The following CDH15 variants were observed in gnomAD, a reference collection of about 807,000 sequenced individuals.
CDH15 encodes cadherin-15.
Under a neutral mutation model 69.4 loss-of-function variants are expected in CDH15, and 73 were observed. That is an observed-to-expected ratio of 1.05 (90% CI 0.87 to 1.28). The LOEUF (loss-of-function observed/expected upper bound fraction) is 1.28, where lower values mean the gene tolerates loss of function less well. Among genes scored for constraint, CDH15 ranks in the 50% most tolerant of loss-of-function variants. CDH15 has a pLI of 0.00. For synonymous variants in CDH15, 624 were observed against 507.7 expected, an observed-to-expected ratio of 1.23 and a Z score of -3.08; for missense variants, 1,343 against 1,133.6, an observed-to-expected ratio of 1.18 and a Z score of -2.65.
rs750713003 is a variant in CDH15 at position 89,193,452 on chromosome 16, C to T, written c.1856-18C>T. ...GCGCCCTGTGCCTGGCCCCAGCCTGCGTCCCCTCATTCCCCAGTGCTGGTC... is the reference window on the plus strand; with the variant it reads ...GCGCCCTGTGCCTGGCCCCAGCCTGTGTCCCCTCATTCCCCAGTGCTGGTC... On this transcript the variant is annotated intron_variant, in intron 11 of 13. Transcript: ENST00000289746. The T allele has an allele frequency of 6.3e-6, 10 of 1,599,158 alleles. No individual in the cohort carries two copies. The highest frequency in any genetic ancestry group is 1.7e-5 in the Admixed American group (1 of 59,362).
At chr16:89,187,598 G>T in intron 6 of CDH15, 41 bp downstream of exon 6, 1 of 1,611,686 alleles carries the variant, frequency 6.2e-7, no homozygotes. Context: ...CCCCTGCTTA[G>T]AGCTGCCTTC....
chr16:89,172,510 C>T (rs146610440), intron 1 of CDH15, among the ~76,000 whole-genome samples: 7 of 152,286 alleles, frequency 4.6e-5, no homozygotes, highest in South Asian at 2.1e-4. Flanking sequence ...GGGACCCTGC[C>T]GCAGCTGCCT....
Position 89,188,169 on chromosome 16 carries a change from C to T in CDH15, c.862C>T (p.Leu288=), listed in dbSNP as rs777773727. The T allele has an allele frequency of 6.2e-7, 1 of 1,613,434 alleles. No individual in the cohort carries two copies. Among genetic ancestry groups the T allele is most frequent in the South Asian group, 1.1e-5 (1 of 90,994 alleles). The change falls in exon 7 of 14, where the codon CTG becomes TTG. Residue 288 remains leucine (L), a synonymous_variant. Transcript: ENST00000289746. The stretch of plus-strand genomic sequence containing the variant: ...ACGCCTGGAAGTGGAGGACAGGGAC[C>T]TGCCAGGCTCCCCAAACTGGGTGGC... ...VGRLEVEDRD[L]PGSPNWVARF...
intron 1 of CDH15, among the ~76,000 whole-genome samples, chr16:89,176,225 G>A (rs561200486): frequency 2.6e-5 from 4 of 152,212 alleles, no homozygotes; most frequent in Non-Finnish European, 4.4e-5. Context: ...ATGCCCCCAC[G>A]TCCCGGCCCC....
At chr16:89,172,616 T>C (rs888550484) in intron 1 of CDH15, among the ~76,000 whole-genome samples, 2 of 152,194 alleles carry the variant, frequency 1.3e-5, no homozygotes, top group South Asian at 4.1e-4. Flanking sequence ...CTCTCCAACG[T>C]GGGAGCAAGC....
rs747543596 is a variant in CDH15, at chr16:89,180,218, C to G, written c.220C>G (p.Gln74Glu). 6 of 1,610,606 alleles carry G rather than the reference C, an allele frequency of 3.7e-6. No homozygotes were observed. The highest frequency in any genetic ancestry group is 5.1e-6 in the Non-Finnish European group (6 of 1,179,012). Residue 74 changes from glutamine to glutamate, a missense_variant, in exon 3 of 14, where the codon CAG becomes GAG. Gln to Glu is a conservative substitution (Grantham distance 29). Transcript: ENST00000289746. ...CCCACAGATCAAGTCGGACAAGCAG[C>G]AGCTGGGCAGCGTCATCTACAGCAT... ...PLVQIKSDKQ[Q>E]LGSVIYSIQG...
In CDH15 at chr16:89,183,714, G is replaced by A. The variant is rs200965299; in HGVS notation, c.502+22G>A. 1.0e-3 allele frequency: 1,614 copies of A among 1,571,936 alleles called. 1 individual carries two copies. Among genetic ancestry groups the A allele is most frequent in the Non-Finnish European group, 1.3e-3 (1,456 of 1,158,728 alleles). ...CCAGGTGAGACAGGACCACAGCCCCGGGCCGGGAGGGGCTGCAAGGAAGGG... is the reference window on the plus strand; with the variant it reads ...CCAGGTGAGACAGGACCACAGCCCCAGGCCGGGAGGGGCTGCAAGGAAGGG... On this transcript the variant is annotated intron_variant, in intron 4 of 13. Coordinates refer to ENST00000289746, the MANE Select transcript of CDH15 (RefSeq NM_004933.3).
At chr16:89,185,406 C>A (rs757543277) in intron 5 of CDH15, 73 bp downstream of exon 5, 23 of 1,485,604 alleles carry the variant, frequency 1.5e-5, no homozygotes, top group Non-Finnish European at 1.8e-5. Context: ...CCTCTGCCCC[C>A]AGCCTGCCCA....
chr16:89,193,449 C>T, intron 11 of CDH15, 21 bp from the exon 12 acceptor site: 1 of 1,598,232 alleles, frequency 6.3e-7, no homozygotes, highest in Non-Finnish European at 8.5e-7. Context: ...TGGCCCCAGC[C>T]TGCGTCCCCT....
chr16:89,190,208 T>A (rs540229131), intron 7 of CDH15, 35 bp from the exon 8 acceptor site: 2 of 1,605,866 alleles, frequency 1.2e-6, no homozygotes, highest in South Asian at 2.2e-5. Context: ...CACACTTGCG[T>A]TGGGCGGATG....
In CDH15 at chr16:89,192,388, C is replaced by T; in HGVS notation, c.1799C>T (p.Thr600Ile). ...GCCGCAGCGCTGCTGGCGGGGGGCA[C>T]AGGCCTCAGCCTGGGCGCACTGGTC... is the stretch of plus-strand genomic sequence containing the variant. ...PGAAALLAGG[T>I]GLSLGALVIV... Residue 600 changes from threonine (T) to isoleucine (I), a missense_variant, in exon 11 of 14, where the codon ACA (threonine) becomes ATA (isoleucine). Transcript: ENST00000289746. 1 of 1,537,752 alleles carries T rather than the reference C, an allele frequency of 6.5e-7. No homozygotes were observed. Among genetic ancestry groups the T allele is most frequent in the Non-Finnish European group, 8.7e-7 (1 of 1,148,322 alleles).
chr16:89,176,942 C>T (rs1915270223), intron 1 of CDH15, among the ~76,000 whole-genome samples: 3 of 152,158 alleles, frequency 2.0e-5, no homozygotes, highest in South Asian at 4.1e-4. Flanking sequence ...GTGGGGGTGC[C>T]CCAGAGAGCA....
At chr16:89,173,789 G>A (rs898276525) in intron 1 of CDH15, among the ~76,000 whole-genome samples, 15 of 152,288 alleles carry the variant, frequency 9.8e-5, no homozygotes, top group African/African-American at 2.4e-4. Flanking sequence ...AGCCCCACCC[G>A]GAGGGTGTCT....
chr16:89,183,483 G>T, intron 3 of CDH15, 65 bp from the exon 4 acceptor site: 1 of 1,583,870 alleles, frequency 6.3e-7, no homozygotes, highest in Non-Finnish European at 8.7e-7. Flanking sequence ...TCTTTCGCAT[G>T]GCCCTAACGG....
chr16:89,191,567 G>A (rs1208851179), intron 9 of CDH15, 88 bp from the exon 10 acceptor site: 1 of 1,582,444 alleles, frequency 6.3e-7, no homozygotes, highest in African/African-American at 1.3e-5. Context: ...TGTCGCCCGG[G>A]GGCTCAGAGC....
intron 3 of CDH15, among the ~76,000 whole-genome samples, chr16:89,181,819 G>C (rs907872294): frequency 1.3e-5 from 2 of 151,380 alleles, no homozygotes; most frequent in African/African-American, 4.9e-5. Context: ...TGCGCCTGTA[G>C]TCCCAGCTAC....
chr16:89,190,594 TA>T (rs1233079821), intron 8 of CDH15, 98 bp downstream of exon 8: 1 of 1,433,788 alleles, frequency 7.0e-7, no homozygotes, highest in African/African-American at 1.4e-5. Flanking sequence ...TCAGAGGGTG[TA>T]GGGGCCATTT....
Position 89,188,179 on chromosome 16 carries a change from C to A in CDH15, c.872C>A (p.Ser291Tyr). ...GTGGAGGACAGGGACCTGCCAGGCT[C>A]CCCAAACTGGGTGGCCAGGTTCACC... ...LEVEDRDLPG[S>Y]PNWVARFTIL... is the part of the protein sequence containing the mutation. Residue 291 changes from serine (S) to tyrosine (Y), a missense_variant, in exon 7 of 14, where the codon TCC (serine) becomes TAC (tyrosine). Ser to Tyr is a moderately radical substitution (Grantham distance 144). Coordinates refer to ENST00000289746, the MANE Select transcript of CDH15 (RefSeq NM_004933.3). The A allele has an allele frequency of 1.9e-6, 3 of 1,613,304 alleles. No homozygotes were observed. Among genetic ancestry groups the A allele is most frequent in the Non-Finnish European group, 2.5e-6 (3 of 1,179,800 alleles).
At chr16:89,184,521 G>A (rs1353569827) in intron 4 of CDH15, among the ~76,000 whole-genome samples, 2 of 152,164 alleles carry the variant, frequency 1.3e-5, no homozygotes, top group African/African-American at 2.4e-5. Flanking sequence ...AGCAGGTGGG[G>A]CGGGGGCTCT....
Sources: allele counts gnomAD v4.1 joint callset (sites outside exome capture counted in the v4.1 genomes callset), GRCh38; gene constraint gnomAD v4.1.1; transcripts MANE v1.5; gene names NCBI Gene and HGNC (gene_info 2026-07-23, HGNC 2026-07-21).